ANXA10: variants seen among roughly 807,000 people sequenced by gnomAD.
The protein encoded by ANXA10 is annexin 14.
ANXA10 carries 49 observed loss-of-function variants against 53.5 expected under a neutral mutation model. The ratio of observed to expected loss-of-function variants is 0.92; its 90% CI spans 0.73 to 1.16. The LOEUF (loss-of-function observed/expected upper bound fraction) is 1.16, where lower values mean the gene tolerates loss of function less well. Ranked by LOEUF, ANXA10 falls within the 50% of genes most tolerant of loss-of-function variation. The probability of loss-of-function intolerance (pLI) is 0.00; values close to 1 mark genes in which losing one functional copy is unlikely to be tolerated. For missense variants in ANXA10, 393 were observed against 394.4 expected, an observed-to-expected ratio of 1.00 and a Z score of 0.03; for synonymous variants, 131 against 128.9, an observed-to-expected ratio of 1.02 and a Z score of -0.11.
intron 1 of ANXA10, 146 bp downstream of exon 1, chr4:168,092,864 A>AT (rs1310611236): frequency 3.3e-6 from 2 of 608,416 alleles, no homozygotes; most frequent in African/African-American, 3.9e-5. Flanking sequence ...TTTTATGCCC[A>AT]TTTTTTGAAA....
intron 3 of ANXA10, among the ~76,000 whole-genome samples, chr4:168,155,468 AATTATAAATTATAT>A (rs1395098549): frequency 2.1e-4 from 4 of 19,246 alleles, no homozygotes; most frequent in African/African-American, 7.4e-4. Flanking sequence ...TATAATATAT[AATTATAAATTATAT>A]ATTATATAAT....
Position 168,187,355 on chromosome 4 carries a change from T to C in ANXA10, c.907-11T>C, listed in dbSNP as rs201337288. The stretch of plus-strand genomic sequence containing the variant: ...TATTTTATTTCAAATATATTATATT[T>C]TTCTTTTCAGAATTTTGCTTCAGGG... On this transcript the variant is annotated splice_polypyrimidine_tract_variant and intron_variant, in intron 11 of 11. Transcript: ENST00000359299. 2 of 1,559,708 alleles carry C rather than the reference T, an allele frequency of 1.3e-6. No homozygotes were observed. Among genetic ancestry groups the C allele is most frequent in the East Asian group, 2.3e-5 (1 of 43,994 alleles).
chr4:168,142,772 C>T (rs1731346638), intron 3 of ANXA10, among the ~76,000 whole-genome samples: 1 of 152,188 alleles, frequency 6.6e-6, no homozygotes, highest in Non-Finnish European at 1.5e-5. Context: ...CACAGGCAGG[C>T]TTTGACTGCT....
intron 6 of ANXA10, among the ~76,000 whole-genome samples, chr4:168,171,542 C>G (rs904405675): frequency 2.0e-5 from 3 of 152,040 alleles, no homozygotes; most frequent in African/African-American, 7.2e-5. Context: ...TTAATAGAGA[C>G]TGGGGTAATT....
In ANXA10 at chr4:168,164,130, G is replaced by A. The variant is rs1474391362; in HGVS notation, c.310-68G>A. The A allele has an allele frequency of 4.0e-5, 48 of 1,200,362 alleles. No homozygotes were observed. The Middle Eastern group carries it at 1.4e-3, about 34-fold the overall frequency. The allele number at this position is 1,200,362 out of a possible 1,614,324, so 74.4% of individuals were successfully genotyped here. On this transcript the variant is annotated intron_variant, in intron 4 of 11. Coordinates refer to ENST00000359299, the MANE Select transcript of ANXA10 (RefSeq NM_007193.5). Reference sequence around the variant, plus strand: ...ACTGGAAATGCTGTATCCCTTTCTTGTACAAAAGGTACACTATTACTTCCA... The same window carrying A: ...ACTGGAAATGCTGTATCCCTTTCTTATACAAAAGGTACACTATTACTTCCA...
chr4:168,146,599 C>G (rs965702242), intron 3 of ANXA10, among the ~76,000 whole-genome samples: 10 of 152,144 alleles, frequency 6.6e-5, no homozygotes, highest in African/African-American at 2.4e-4. Flanking sequence ...GATGTCCAGT[C>G]TGATGATGAA....
At chr4:168,150,542 A>T (rs1731479312) in intron 3 of ANXA10, among the ~76,000 whole-genome samples, 1 of 152,216 alleles carries the variant, frequency 6.6e-6, no homozygotes, top group African/African-American at 2.4e-5. Context: ...CTGGAAACAG[A>T]CACTTTGATA....
chr4:168,097,879 A>G (rs1177402509), intron 1 of ANXA10, among the ~76,000 whole-genome samples: 1 of 152,172 alleles, frequency 6.6e-6, no homozygotes, highest in Non-Finnish European at 1.5e-5. Flanking sequence ...TCTTGGTTTG[A>G]AAGTTCTTAA....
At chr4:168,119,841 C>A (rs772914936) in intron 1 of ANXA10, among the ~76,000 whole-genome samples, 1 of 151,966 alleles carries the variant, frequency 6.6e-6, no homozygotes, top group Non-Finnish European at 1.5e-5. Context: ...TATATACATA[C>A]CAAATTAACT....
intron 6 of ANXA10, among the ~76,000 whole-genome samples, chr4:168,166,351 G>A (rs2149477952): frequency 6.6e-6 from 1 of 152,178 alleles, no homozygotes; most frequent in South Asian, 2.1e-4. Flanking sequence ...TTTCTGTACT[G>A]GCTAAATGAT....
intron 1 of ANXA10, chr4:168,127,775 A>G (rs778579003): frequency 1.9e-6 from 1 of 525,310 alleles, no homozygotes; most frequent in South Asian, 1.6e-5. Context: ...AACACACAGA[A>G]TATACTTTCA....
chr4:168,169,622 G>A (rs143096734), intron 6 of ANXA10, among the ~76,000 whole-genome samples: 1 of 152,066 alleles, frequency 6.6e-6, no homozygotes, highest in African/African-American at 2.4e-5. Context: ...GTGTAGAGAT[G>A]AGGAGACTTA....
At chr4:168,179,398 G>C in intron 9 of ANXA10, 86 bp downstream of exon 9, 3 of 904,360 alleles carry the variant, frequency 3.3e-6, no homozygotes, top group Non-Finnish European at 5.2e-6. Flanking sequence ...AGATGCATGA[G>C]TAAGCTCTTG....
At chr4:168,130,740 T>C (rs1397058515) in intron 2 of ANXA10, among the ~76,000 whole-genome samples, 2 of 152,000 alleles carry the variant, frequency 1.3e-5, no homozygotes, top group African/African-American at 4.8e-5. Flanking sequence ...AAATTTGTGG[T>C]CTTAGAGTTA....
At chr4:168,174,989 C>T (rs1732094197) in intron 6 of ANXA10, among the ~76,000 whole-genome samples, 1 of 152,152 alleles carries the variant, frequency 6.6e-6, no homozygotes, top group Non-Finnish European at 1.5e-5. Context: ...AAATGGGTAT[C>T]ATTACAATAT....
intron 1 of ANXA10, among the ~76,000 whole-genome samples, chr4:168,100,530 T>C (rs1041957018): frequency 6.6e-5 from 10 of 152,076 alleles, no homozygotes; most frequent in Non-Finnish European, 1.2e-4. Context: ...CTCTCTCTTG[T>C]ATGGGGTGCT....
chr4:168,107,214 T>C (rs190460068), intron 1 of ANXA10, among the ~76,000 whole-genome samples: 1 of 152,270 alleles, frequency 6.6e-6, no homozygotes, highest in East Asian at 1.9e-4. Flanking sequence ...AAATAATTCT[T>C]TGAGGATAAA....
At chr4:168,122,390 A>AT (rs545593538) in intron 1 of ANXA10, among the ~76,000 whole-genome samples, 203 of 152,340 alleles carry the variant, frequency 1.3e-3, no homozygotes, top group African/African-American at 4.4e-3. Flanking sequence ...TCGCACATAC[A>AT]TTTTAAGCCC....
intron 9 of ANXA10, 114 bp from the exon 10 acceptor site, chr4:168,181,569 C>T (rs1277662465): frequency 1.2e-6 from 1 of 862,542 alleles, no homozygotes; most frequent in Non-Finnish European, 1.9e-6. Flanking sequence ...AAGTGTTGAC[C>T]TTACAATACA....
Sources: allele counts gnomAD v4.1 joint callset (sites outside exome capture counted in the v4.1 genomes callset), GRCh38; gene constraint gnomAD v4.1.1; transcripts MANE v1.5; gene names NCBI Gene and HGNC (gene_info 2026-07-23, HGNC 2026-07-21).